Variants in ATP2B1 observed in about 807,000 individuals in gnomAD.
ATP2B1 encodes ATPase plasma membrane Ca2+ transporting 1, also known as plasma membrane calcium-transporting ATPase 1.
ATP2B1 carries 14 observed loss-of-function variants against 124.2 expected under a neutral mutation model. That is an observed-to-expected ratio of 0.11 (90% CI 0.07 to 0.18). The LOEUF is 0.18. Ranked by LOEUF, ATP2B1 falls within the 10% of genes least tolerant of loss-of-function variation. The probability of loss-of-function intolerance (pLI) is 1.00; values close to 1 mark genes in which losing one functional copy is unlikely to be tolerated. For missense variants in ATP2B1, 763 were observed against 1,466.1 expected, an observed-to-expected ratio of 0.52 and a Z score of 7.83; for synonymous variants, 449 against 492.4, an observed-to-expected ratio of 0.91 and a Z score of 1.17.
At chr12:89,624,479 A>G (rs1382758349) in intron 8 of ATP2B1, 82 bp from the exon 9 acceptor site, 2 of 1,126,074 alleles carry the variant, frequency 1.8e-6, no homozygotes, top group Admixed American at 2.4e-5. Flanking sequence ...TAAACACTGT[A>G]AAGAGTTATA....
intron 20 of ATP2B1, chr12:89,598,850 C>T (rs1237854349): frequency 7.3e-7 from 1 of 1,367,284 alleles, no homozygotes; most frequent in Admixed American, 2.0e-5. Flanking sequence ...GCACTTTTTA[C>T]ACAGCATATA....
chr12:89,656,961 A>G (rs1429794080), intron 1 of ATP2B1, among the ~76,000 whole-genome samples: 1 of 152,188 alleles, frequency 6.6e-6, no homozygotes, highest in Non-Finnish European at 1.5e-5. Context: ...ACACTCAGTA[A>G]AAGTTTGAGG....
Position 89,609,964 on chromosome 12 carries a change from T to C in ATP2B1, c.2415A>G (p.Leu805=). The C allele has an allele frequency of 6.2e-7, 1 of 1,613,656 alleles. No individual in the cohort carries two copies. Residue 805 remains leucine (L), a synonymous_variant, in exon 15 of 21, where the codon CTA becomes CTG. Transcript: ENST00000428670. The part of the protein sequence containing the change: ...TGDGTNDGPA[L]KKADVGFAMG... Reference sequence around the variant, plus strand: ...TTGCAAATCCAACATCTGCTTTCTTTAGTGCTGGGCCATCATTTGTACCAT... The same window carrying C: ...TTGCAAATCCAACATCTGCTTTCTTCAGTGCTGGGCCATCATTTGTACCAT...
intron 6 of ATP2B1, among the ~76,000 whole-genome samples, chr12:89,629,493 G>T (rs561612540): frequency 1.3e-5 from 2 of 152,138 alleles, no homozygotes; most frequent in African/African-American, 4.8e-5. Flanking sequence ...AACCTAGAAT[G>T]GGGGGCTTGC....
At chr12:89,691,120 C>A (rs1376860088) in intron 1 of ATP2B1, among the ~76,000 whole-genome samples, 1 of 152,030 alleles carries the variant, frequency 6.6e-6, no homozygotes, top group Non-Finnish European at 1.5e-5. Flanking sequence ...GCTGGGCCCA[C>A]ATGCCTTTCT....
intron 3 of ATP2B1, among the ~76,000 whole-genome samples, chr12:89,640,149 G>GTA (rs1418770714): frequency 5.9e-5 from 9 of 152,112 alleles, no homozygotes; most frequent in Admixed American, 1.3e-4. Context: ...ACATAAAAGG[G>GTA]TATAGCAGGA....
chr12:89,616,720 C>T, intron 12 of ATP2B1, 82 bp downstream of exon 12: 1 of 1,311,184 alleles, frequency 7.6e-7, no homozygotes, highest in Non-Finnish European at 1.1e-6. Flanking sequence ...AAGAATTTTA[C>T]TAGAAAACTG....
At chr12:89,682,677 T>C (rs1321322782) in intron 1 of ATP2B1, among the ~76,000 whole-genome samples, 1 of 152,180 alleles carries the variant, frequency 6.6e-6, no homozygotes, top group Non-Finnish European at 1.5e-5. Context: ...TGAAATTAGA[T>C]CAATTTCTTA....
intron 1 of ATP2B1, among the ~76,000 whole-genome samples, chr12:89,661,653 C>T (rs1210977165): frequency 2.0e-5 from 3 of 152,174 alleles, no homozygotes; most frequent in Non-Finnish European, 2.9e-5. Context: ...CCATTAGATG[C>T]ACCATTTGAC....
At chr12:89,605,912 A>T (rs1163947422) in intron 15 of ATP2B1, among the ~76,000 whole-genome samples, 1 of 152,248 alleles carries the variant, frequency 6.6e-6, no homozygotes, top group Non-Finnish European at 1.5e-5. Flanking sequence ...TGTATGAAAC[A>T]GAGAATTTGG....
chr12:89,601,823 G>A (rs1281241589), intron 18 of ATP2B1, among the ~76,000 whole-genome samples: 1 of 152,028 alleles, frequency 6.6e-6, no homozygotes, highest in Non-Finnish European at 1.5e-5. Flanking sequence ...AATAATCTGT[G>A]CCTTTCTCAA....
intron 2 of ATP2B1, among the ~76,000 whole-genome samples, chr12:89,654,801 TTTGGA>T: frequency 6.6e-6 from 1 of 152,170 alleles, no homozygotes; most frequent in South Asian, 2.1e-4. Context: ...TAGAATTAGC[TTTGGA>T]ATATATACTA....
At chr12:89,591,412 A>AC in intron 20 of ATP2B1, 117 bp from the exon 21 acceptor site, 7 of 854,222 alleles carry the variant, frequency 8.2e-6, no homozygotes, top group South Asian at 3.6e-5. Flanking sequence ...ATTTGCATGT[A>AC]ATGCAGTGGA....
intron 3 of ATP2B1, among the ~76,000 whole-genome samples, chr12:89,639,862 G>A (rs914832152): frequency 4.6e-5 from 7 of 152,240 alleles, no homozygotes; most frequent in Non-Finnish European, 7.4e-5. Flanking sequence ...CTTCTTGAAA[G>A]TATTTTTTCT....
intron 1 of ATP2B1, among the ~76,000 whole-genome samples, chr12:89,690,039 T>A (rs150515493): frequency 0.014 from 2,141 of 152,154 alleles, 51 homozygotes; most frequent in African/African-American, 0.049. Flanking sequence ...GTTATGAACT[T>A]TCTGTATGCT....
rs943771175 is a variant in ATP2B1, at chr12:89,590,246, C to A, written c.*738G>T. The stretch of plus-strand genomic sequence containing the variant: ...AAACTAATTAGGACAGATGTCATAA[C>A]TTCATTAGAACACCACTGCTCATGT... On this transcript the variant is annotated 3_prime_UTR_variant, in exon 21 of 21. Coordinates refer to ENST00000428670, the MANE Select transcript of ATP2B1 (RefSeq NM_001366521.1). The A allele has an allele frequency of 1.3e-5, 2 of 152,374 alleles. No homozygotes were observed. Among genetic ancestry groups the A allele is most frequent in the African/African-American group, 4.8e-5 (2 of 41,402 alleles). The allele number at this position is 152,374 out of a possible 1,614,324, so 9.4% of individuals were successfully genotyped here. A position where few individuals can be genotyped will look rare whatever the true frequency, so the allele number is the denominator to read the frequency against.
At chr12:89,702,568 T>C (rs10858918) in intron 1 of ATP2B1, among the ~76,000 whole-genome samples, 93,395 of 152,034 alleles carry the variant, frequency 0.61, 29,766 homozygotes, top group East Asian at 0.75. Context: ...AAAGCATCTT[T>C]CAAGTTAAAC....
At position 89,603,337 on chromosome 12, in the gene ATP2B1, A is replaced by T. The variant is rs1283726035; in HGVS notation, c.2849-83T>A. On this transcript the variant is annotated intron_variant, in intron 17 of 20. Transcript: ENST00000428670. The surrounding 1 kb of genome is among the most constrained non-coding windows in gnomAD (Gnocchi z 4.3). The stretch of plus-strand genomic sequence containing the variant: ...GGTATACAAATTACAACTTAGCTAG[A>T]CCTTTTATTTGATCTGAAATGGCAG... 8.7e-7 allele frequency: 1 copy of T among 1,143,272 alleles called. No individual in the cohort carries two copies. Among genetic ancestry groups the T allele is most frequent in the Non-Finnish European group, 1.2e-6 (1 of 825,332 alleles). The allele number at this position is 1,143,272 out of a possible 1,614,324, so 70.8% of individuals were successfully genotyped here. A position where few individuals can be genotyped will look rare whatever the true frequency, so the allele number is the denominator to read the frequency against.
intron 2 of ATP2B1, among the ~76,000 whole-genome samples, chr12:89,654,526 T>G (rs1885716222): frequency 6.6e-6 from 1 of 152,304 alleles, no homozygotes; most frequent in African/African-American, 2.4e-5. Flanking sequence ...GAAGCCCTGT[T>G]GGGACATGTG....
Sources: gnomAD v4.1 joint callset for allele counts (sites outside exome capture counted in the v4.1 genomes callset) on GRCh38, gnomAD v4.1.1 for gene constraint, Gnocchi (gnomAD v3.1) non-coding constraint, MANE v1.5 for transcripts, NCBI Gene and HGNC (gene_info 2026-07-23, HGNC 2026-07-21) for gene names.